SEMA5A: variants seen among roughly 807,000 people sequenced by gnomAD.
SEMA5A encodes semaphorin 5A, also known as semaphorin-5A.
A neutral mutation model predicts 135.5 loss-of-function variants in SEMA5A; 55 were observed. That is an observed-to-expected ratio of 0.41 (90% CI 0.33 to 0.51). SEMA5A has a LOEUF of 0.51. Among genes scored for constraint, SEMA5A ranks in the 20% least tolerant of loss-of-function variants. The pLI is 0.37. For synonymous variants in SEMA5A, 580 were observed against 546.5 expected (o/e 1.06, Z -0.85); for missense variants, 1,290 against 1,419.9 (o/e 0.91, Z 1.47).
chr5:9,153,548 C>T (rs1742752429), intron 12 of SEMA5A, among the ~76,000 whole-genome samples: 1 of 152,060 alleles, frequency 6.6e-6, no homozygotes, highest in Admixed American at 6.5e-5. Context: ...TCCCTACCCT[C>T]TCTGCAGGCT....
chr5:9,060,756 A>G (rs150733692), intron 18 of SEMA5A, among the ~76,000 whole-genome samples: 3 of 152,198 alleles, frequency 2.0e-5, no homozygotes, highest in African/African-American at 4.8e-5. Flanking sequence ...TGGAAACTAT[A>G]TATTTTCAGT....
chr5:9,088,048 C>T (rs1241788529), intron 16 of SEMA5A, among the ~76,000 whole-genome samples: 2 of 152,156 alleles, frequency 1.3e-5, no homozygotes, highest in African/African-American at 2.4e-5. Flanking sequence ...AGCAAAAGTG[C>T]AAAAGTGGCC....
At chr5:9,491,597 T>C (rs1001832132) in intron 1 of SEMA5A, among the ~76,000 whole-genome samples, 1 of 152,224 alleles carries the variant, frequency 6.6e-6, no homozygotes, top group Non-Finnish European at 1.5e-5. Context: ...GCAAATTTCC[T>C]GATTAAAGTC....
rs547915867 is a variant in SEMA5A, at chr5:9,118,971, G to T, written c.1925+27C>A. The T allele has an allele frequency of 1.9e-6, 3 of 1,607,394 alleles. No homozygotes were observed. In the African/African-American group the frequency reaches 4.0e-5, roughly 21 times the overall value. ...GAATGAGAGTAAGCGTGAGGCTGGC[G>T]GTGCTGGCAGCAGGGTGGGCACGTA... On this transcript the variant is annotated intron_variant, in intron 15 of 22. Transcript: ENST00000382496.
At chr5:9,417,532 G>A (rs1357808612) in intron 2 of SEMA5A, among the ~76,000 whole-genome samples, 1 of 152,192 alleles carries the variant, frequency 6.6e-6, no homozygotes, top group African/African-American at 2.4e-5. Context: ...GCAGGACCCA[G>A]TGATTACTTC....
chr5:9,209,672 G>A (rs1342994116), intron 8 of SEMA5A, among the ~76,000 whole-genome samples: 1 of 152,152 alleles, frequency 6.6e-6, no homozygotes, highest in Non-Finnish European at 1.5e-5. Flanking sequence ...CTCTGGCTTT[G>A]TCTCCTGAGT....
chr5:9,063,862 A>G (rs1737315507), intron 17 of SEMA5A, among the ~76,000 whole-genome samples: 1 of 152,374 alleles, frequency 6.6e-6, no homozygotes, highest in South Asian at 2.1e-4. Context: ...TGATGTGTAC[A>G]GTGAGCACTT....
At chr5:9,228,408 A>G (rs1381399923) in intron 6 of SEMA5A, among the ~76,000 whole-genome samples, 4 of 152,194 alleles carry the variant, frequency 2.6e-5, no homozygotes, top group Admixed American at 6.5e-5. Flanking sequence ...TGGCTAGAGA[A>G]AGCATGGCGC....
intron 3 of SEMA5A, among the ~76,000 whole-genome samples, chr5:9,355,290 G>T (rs1293555568): frequency 6.6e-6 from 1 of 152,142 alleles, no homozygotes; most frequent in South Asian, 2.1e-4. Flanking sequence ...AGTCAAGGGG[G>T]AGGCATGAGC....
intron 6 of SEMA5A, among the ~76,000 whole-genome samples, chr5:9,227,729 T>A (rs1747395588): frequency 6.6e-6 from 1 of 152,022 alleles, no homozygotes; most frequent in Admixed American, 6.6e-5. Flanking sequence ...TTTTTGTATT[T>A]TTAGTAGAGA....
chr5:9,209,712 A>T (rs190648518), intron 8 of SEMA5A, among the ~76,000 whole-genome samples: 2 of 152,338 alleles, frequency 1.3e-5, no homozygotes, highest in Admixed American at 1.3e-4. Context: ...AAGAAGACCA[A>T]GACACAGGGA....
chr5:9,255,224 G>A (rs183086731), intron 5 of SEMA5A, among the ~76,000 whole-genome samples: 5 of 152,268 alleles, frequency 3.3e-5, no homozygotes, highest in East Asian at 1.9e-4. Flanking sequence ...TGGCTCAGAT[G>A]TTTTGTTTAT....
chr5:9,527,421 A>C (rs1451144901), intron 1 of SEMA5A, among the ~76,000 whole-genome samples: 1 of 152,232 alleles, frequency 6.6e-6, no homozygotes. Flanking sequence ...GCTCTTATGC[A>C]AAGTCAAGCA....
intron 10 of SEMA5A, among the ~76,000 whole-genome samples, chr5:9,195,570 C>T (rs1745343898): frequency 1.3e-5 from 2 of 152,178 alleles, no homozygotes; most frequent in South Asian, 2.1e-4. Context: ...GCATTTTTAT[C>T]CCTTTCCCCC....
chr5:9,152,120 C>T (rs1469741651), intron 12 of SEMA5A, among the ~76,000 whole-genome samples: 4 of 152,198 alleles, frequency 2.6e-5, no homozygotes, highest in Non-Finnish European at 4.4e-5. Flanking sequence ...AGGAGAGCAA[C>T]CTGTAAAAGA....
intron 2 of SEMA5A, among the ~76,000 whole-genome samples, chr5:9,396,246 G>GCACACACGCACA (rs1554030588): frequency 6.7e-6 from 1 of 148,848 alleles, no homozygotes; most frequent in African/African-American, 2.5e-5. Flanking sequence ...GCGCGTGCGT[G>GCACACACGCACA]CACACACACA....
Position 9,039,120 on chromosome 5 carries a change from C to T in SEMA5A, c.*3777G>A, listed in dbSNP as rs749397609. On this transcript the variant is annotated 3_prime_UTR_variant, in exon 23 of 23. Coordinates refer to ENST00000382496, the MANE Select transcript of SEMA5A (RefSeq NM_003966.3). ...AAATAGGCTTTGACTCCCACAGTTT[C>T]CATCCTTTTGCAGATAAATAAGGAA... 2.0e-5 allele frequency: 3 copies of T among 152,262 alleles called. No homozygotes were observed. Among genetic ancestry groups the T allele is most frequent in the Admixed American group, 6.5e-5 (1 of 15,274 alleles). The allele number at this position is 152,262 out of a possible 1,614,324, so 9.4% of individuals were successfully genotyped here.
At chr5:9,296,344 C>T (rs779868163) in intron 5 of SEMA5A, among the ~76,000 whole-genome samples, 31 of 151,968 alleles carry the variant, frequency 2.0e-4, no homozygotes, top group Admixed American at 3.9e-4. Flanking sequence ...TGGTAAACTG[C>T]GATTTGTCAA....
intron 13 of SEMA5A, among the ~76,000 whole-genome samples, chr5:9,134,602 T>C (rs1741626632): frequency 6.6e-6 from 1 of 152,236 alleles, no homozygotes; most frequent in Admixed American, 6.5e-5. Flanking sequence ...GGGGACAAGC[T>C]GCCTGCTGGG....
Sources: allele counts gnomAD v4.1 joint callset (sites outside exome capture counted in the v4.1 genomes callset), GRCh38; gene constraint gnomAD v4.1.1; transcripts MANE v1.5; gene names NCBI Gene and HGNC (gene_info 2026-07-23, HGNC 2026-07-21).